Variants in CSMD1 observed in about 807,000 individuals in gnomAD.
The protein encoded by CSMD1 is CUB and Sushi multiple domains 1, also known as CUB and sushi domain-containing protein 1.
In CSMD1, 213 loss-of-function variants were observed where a neutral mutation model predicts 417.5. That is an observed-to-expected ratio of 0.51 (90% CI 0.46 to 0.57). The LOEUF is 0.57. Ranked by LOEUF, CSMD1 falls within the 20% of genes least tolerant of loss-of-function variation. The pLI, the probability that CSMD1 is intolerant of heterozygous loss-of-function variation, is 0.00. For synonymous variants in CSMD1, 2,862 were observed against 1,736.8 expected (o/e 1.65, Z -16.11); for missense variants, 6,923 against 4,529.7 (o/e 1.53, Z -15.17).
chr8:3,907,309 A>G (rs1376023534), intron 5 of CSMD1, among the ~76,000 whole-genome samples: 1 of 152,188 alleles, frequency 6.6e-6, no homozygotes, highest in African/African-American at 2.4e-5. Flanking sequence ...ATTAACGTGG[A>G]TGGTACATAT....
Position 3,136,214 on chromosome 8 carries a change from T to G in CSMD1, c.6241+6251A>C, listed in dbSNP as rs143713598. Among the ~76,000 whole-genome samples, 664 of 151,976 alleles carry G rather than the reference T, an allele frequency of 4.4e-3. 7 individuals carry two copies. Among genetic ancestry groups the G allele is most frequent in the African/African-American group, 0.015 (630 of 41,444 alleles). ...ATTATATGTAACAGTGATACACGTG[T>G]CTATGTGTTGCAGAGAGGACAACCA... On this transcript the variant is annotated intron_variant, in intron 41 of 69. Transcript: ENST00000635120.
intron 3 of CSMD1, among the ~76,000 whole-genome samples, chr8:4,087,627 C>T (rs138472394): frequency 3.3e-5 from 5 of 152,120 alleles, no homozygotes; most frequent in Non-Finnish European, 5.9e-5. Flanking sequence ...AATCTTTCTT[C>T]TTCGATACTC....
chr8:4,263,329 C>G (rs570337777), intron 3 of CSMD1, among the ~76,000 whole-genome samples: 3 of 152,294 alleles, frequency 2.0e-5, no homozygotes, highest in Admixed American at 2.0e-4. Context: ...GCCTCTGTGA[C>G]TTCTTTCCCC....
intron 5 of CSMD1, among the ~76,000 whole-genome samples, chr8:3,945,636 T>C (rs1483455168): frequency 2.0e-5 from 3 of 152,120 alleles, no homozygotes; most frequent in African/African-American, 7.2e-5. Flanking sequence ...ACTCACAGTA[T>C]TAACTAAGCC....
intron 5 of CSMD1, among the ~76,000 whole-genome samples, chr8:3,960,401 C>T (rs983701317): frequency 4.9e-4 from 75 of 152,062 alleles, no homozygotes; most frequent in African/African-American, 1.8e-3. Context: ...CTTCTATGCA[C>T]CAGACAGAAG....
chr8:2,957,515 G>C (rs1008840756), intron 63 of CSMD1, among the ~76,000 whole-genome samples, 181 bp downstream of exon 63: 6 of 152,148 alleles, frequency 3.9e-5, no homozygotes, highest in African/African-American at 1.2e-4. Context: ...AGCCTTCACA[G>C]CCCAATGTCC....
intron 9 of CSMD1, among the ~76,000 whole-genome samples, chr8:3,579,948 AC>A (rs1217796439): frequency 6.6e-6 from 1 of 152,038 alleles, no homozygotes; most frequent in Non-Finnish European, 1.5e-5. Flanking sequence ...TACGAAACAT[AC>A]AAAAATTAGC....
chr8:3,667,517 G>C (rs118039553), intron 7 of CSMD1, among the ~76,000 whole-genome samples: 1 of 152,078 alleles, frequency 6.6e-6, no homozygotes, highest in Non-Finnish European at 1.5e-5. Context: ...TAGGGGATGG[G>C]AGCTGTTGGG....
chr8:4,690,248 T>C (rs1806682559), intron 1 of CSMD1, among the ~76,000 whole-genome samples: 1 of 152,200 alleles, frequency 6.6e-6, no homozygotes, highest in African/African-American at 2.4e-5. Context: ...CAACAAGTCT[T>C]AATGAAATTT....
chr8:3,715,340 C>T (rs1204549229), intron 6 of CSMD1, among the ~76,000 whole-genome samples: 1 of 152,070 alleles, frequency 6.6e-6, no homozygotes, highest in East Asian at 1.9e-4. Flanking sequence ...TGGTTGTTTT[C>T]CTGAAGGATG....
At chr8:4,042,551 A>C (rs1797943945) in intron 3 of CSMD1, among the ~76,000 whole-genome samples, 1 of 152,128 alleles carries the variant, frequency 6.6e-6, no homozygotes, top group Admixed American at 6.6e-5. Flanking sequence ...TATTAAAATG[A>C]GTCATTCCAG....
chr8:4,111,369 C>A (rs1182896631), intron 3 of CSMD1, among the ~76,000 whole-genome samples: 1 of 152,036 alleles, frequency 6.6e-6, no homozygotes, highest in Admixed American at 6.6e-5. Flanking sequence ...TGATGAAATA[C>A]ACATGGAAAT....
At position 3,821,466 on chromosome 8, in the gene CSMD1, G is replaced by A. The variant is rs569906977; in HGVS notation, c.819-67424C>T. Among the ~76,000 whole-genome samples the A allele has an allele frequency of 2.0e-5, 3 of 151,884 alleles. No individual in the cohort carries two copies. In the South Asian group the frequency reaches 6.2e-4, roughly 32 times the overall value. ...TTATATGGCTACAATGCCACTAAGT[G>A]TAGGACATTTTTGGCTCCATTAAAG... On this transcript the variant is annotated intron_variant, in intron 5 of 69. Transcript: ENST00000635120.
At chr8:3,571,386 G>A (rs1799936132) in intron 10 of CSMD1, among the ~76,000 whole-genome samples, 1 of 152,124 alleles carries the variant, frequency 6.6e-6, no homozygotes, top group East Asian at 1.9e-4. Flanking sequence ...TCTGTTCCCT[G>A]GTTAAAGGTA....
At chr8:4,176,803 T>A (rs1015167554) in intron 3 of CSMD1, among the ~76,000 whole-genome samples, 6 of 148,482 alleles carry the variant, frequency 4.0e-5, no homozygotes, top group African/African-American at 1.5e-4. Context: ...AAACAGACTT[T>A]AAACCAACAA....
chr8:4,505,520 G>C (rs1357943549), intron 2 of CSMD1, among the ~76,000 whole-genome samples: 2 of 152,034 alleles, frequency 1.3e-5, no homozygotes, highest in African/African-American at 4.8e-5. Flanking sequence ...TAATTTTTCT[G>C]ATTCCTCAGA....
chr8:4,324,796 G>A (rs1222469801), intron 3 of CSMD1, among the ~76,000 whole-genome samples: 1 of 152,144 alleles, frequency 6.6e-6, no homozygotes, highest in African/African-American at 2.4e-5. Context: ...TTTACCTAGC[G>A]CCTGCTTCCC....
intron 3 of CSMD1, among the ~76,000 whole-genome samples, chr8:4,296,695 GGT>G (rs1797703450): frequency 2.6e-5 from 2 of 76,142 alleles, no homozygotes; most frequent in South Asian, 6.8e-4. Context: ...CGAAAATAAG[GGT>G]TTTTTTTTTT....
intron 3 of CSMD1, among the ~76,000 whole-genome samples, chr8:4,159,962 G>A (rs572630143): frequency 6.6e-6 from 1 of 151,968 alleles, no homozygotes; most frequent in African/African-American, 2.4e-5. Context: ...GGGGGTGAGG[G>A]ATAAAAGACT....
Sources: gnomAD v4.1 joint callset for allele counts (sites outside exome capture counted in the v4.1 genomes callset) on GRCh38, gnomAD v4.1.1 for gene constraint, MANE v1.5 for transcripts, NCBI Gene and HGNC (gene_info 2026-07-23, HGNC 2026-07-21) for gene names.